Variants in NOL4 observed in about 807,000 individuals in gnomAD.
NOL4 encodes cancer/testis antigen 125.
In NOL4, 17 loss-of-function variants were observed where a neutral mutation model predicts 75.9. That is an observed-to-expected ratio of 0.22 (90% confidence interval 0.15 to 0.34). NOL4 has a LOEUF of 0.34. Among genes scored for constraint, NOL4 ranks in the 10% least tolerant of loss-of-function variants. The pLI is 1.00. For missense variants in NOL4, 614 were observed against 793.5 expected (o/e 0.77, Z 2.72); for synonymous variants, 292 against 289.9 (o/e 1.01, Z -0.07).
intron 9 of NOL4, among the ~76,000 whole-genome samples, chr18:33,884,811 T>C (rs1188001049): frequency 6.6e-6 from 1 of 152,130 alleles, no homozygotes; most frequent in East Asian, 1.9e-4. Context: ...ATTAGTTTGC[T>C]CTATTGAAAC....
chr18:34,211,761 T>C (rs1224186834), intron 1 of NOL4, among the ~76,000 whole-genome samples: 2 of 152,144 alleles, frequency 1.3e-5, no homozygotes, highest in South Asian at 2.1e-4. Context: ...TAAGAGGCTA[T>C]TGAATAAACC....
intron 6 of NOL4, among the ~76,000 whole-genome samples, chr18:34,007,486 C>A (rs2074102366): frequency 6.6e-6 from 1 of 151,954 alleles, no homozygotes; most frequent in Admixed American, 6.6e-5. Flanking sequence ...TAAATACCAG[C>A]TATCAAGACA....
chr18:34,053,676 T>C (rs914772353), intron 5 of NOL4, among the ~76,000 whole-genome samples: 16 of 151,948 alleles, frequency 1.1e-4, no homozygotes, highest in African/African-American at 3.9e-4. Flanking sequence ...TAGGAACATA[T>C]AGGAAACAGA....
At chr18:34,115,767 C>T (rs2079825858) in intron 2 of NOL4, among the ~76,000 whole-genome samples, 1 of 152,076 alleles carries the variant, frequency 6.6e-6, no homozygotes, top group Non-Finnish European at 1.5e-5. Context: ...CTTTACTTTG[C>T]TTATTAAATT....
At chr18:34,113,220 T>C (rs948033128) in intron 2 of NOL4, among the ~76,000 whole-genome samples, 4 of 152,102 alleles carry the variant, frequency 2.6e-5, no homozygotes, top group Non-Finnish European at 4.4e-5. Flanking sequence ...CCTCCAGCAA[T>C]CCTCCCATCT....
chr18:34,122,792 T>C (rs992496448), intron 2 of NOL4, among the ~76,000 whole-genome samples: 1 of 152,150 alleles, frequency 6.6e-6, no homozygotes, highest in Non-Finnish European at 1.5e-5. Flanking sequence ...GGTGCATACA[T>C]GCAGGCACTT....
chr18:34,196,738 T>G (rs2035355971), intron 1 of NOL4, among the ~76,000 whole-genome samples: 1 of 152,070 alleles, frequency 6.6e-6, no homozygotes, highest in Non-Finnish European at 1.5e-5. Flanking sequence ...TCCATTAACT[T>G]TTGTCTTTCT....
At chr18:34,141,818 C>A (rs895225514) in intron 1 of NOL4, among the ~76,000 whole-genome samples, 10 of 151,876 alleles carry the variant, frequency 6.6e-5, no homozygotes, top group African/African-American at 2.2e-4. Flanking sequence ...GCAACAAAAG[C>A]CAGAATTGAC....
At chr18:34,025,695 A>G (rs906287612) in intron 5 of NOL4, among the ~76,000 whole-genome samples, 7 of 152,148 alleles carry the variant, frequency 4.6e-5, no homozygotes, top group African/African-American at 1.7e-4. Flanking sequence ...AGGCAGTTGT[A>G]ATTTAAACCT....
At chr18:33,996,040 T>C (rs1374646563) in intron 6 of NOL4, among the ~76,000 whole-genome samples, 5 of 151,836 alleles carry the variant, frequency 3.3e-5, no homozygotes, top group Non-Finnish European at 7.4e-5. Flanking sequence ...TGAAATAGTA[T>C]CTACTTCAGC....
chr18:34,106,641 T>A, intron 2 of NOL4, among the ~76,000 whole-genome samples: 1 of 151,666 alleles, frequency 6.6e-6, no homozygotes, highest in East Asian at 1.9e-4. Context: ...TGTGAAAAAT[T>A]TTATATTATT....
At chr18:33,887,211 A>T (rs2064794790) in intron 9 of NOL4, among the ~76,000 whole-genome samples, 2 of 148,972 alleles carry the variant, frequency 1.3e-5, no homozygotes, top group African/African-American at 2.5e-5. Flanking sequence ...GAAATAAAAA[A>T]GATTTAAAAA....
chr18:34,029,909 A>G (rs11081837), intron 5 of NOL4, among the ~76,000 whole-genome samples: 1 of 151,926 alleles, frequency 6.6e-6, no homozygotes, highest in Non-Finnish European at 1.5e-5. Context: ...AATAATAAAT[A>G]TAGTGACAAA....
chr18:33,860,890 A>C (rs989505751), intron 10 of NOL4, among the ~76,000 whole-genome samples: 1 of 152,100 alleles, frequency 6.6e-6, no homozygotes, highest in Non-Finnish European at 1.5e-5. Context: ...TATTGAGATA[A>C]TCATGTGGTT....
At chr18:34,164,854 A>G (rs1206155933) in intron 1 of NOL4, among the ~76,000 whole-genome samples, 37 of 152,024 alleles carry the variant, frequency 2.4e-4, no homozygotes, top group African/African-American at 7.5e-4. Flanking sequence ...ATGTCCAACA[A>G]TGATAGAGTG....
intron 5 of NOL4, among the ~76,000 whole-genome samples, chr18:34,032,139 G>C (rs1422805761): frequency 6.6e-6 from 1 of 152,218 alleles, no homozygotes; most frequent in Non-Finnish European, 1.5e-5. Context: ...GTGCAAGCAA[G>C]AAGCCAGCTA....
intron 6 of NOL4, among the ~76,000 whole-genome samples, chr18:33,971,658 T>A (rs2145879589): frequency 6.6e-6 from 1 of 152,272 alleles, no homozygotes; most frequent in East Asian, 1.9e-4. Flanking sequence ...TAGTGCTCAG[T>A]CTTAAAGTAC....
intron 9 of NOL4, among the ~76,000 whole-genome samples, chr18:33,902,731 T>C (rs1038160542): frequency 2.0e-5 from 3 of 152,088 alleles, no homozygotes; most frequent in African/African-American, 7.2e-5. Context: ...GAGTTTCCCA[T>C]AAGGAGAAGC....
chr18:34,101,430 A>T (rs895394851), intron 4 of NOL4, among the ~76,000 whole-genome samples: 4 of 152,152 alleles, frequency 2.6e-5, no homozygotes, highest in Admixed American at 1.3e-4. Flanking sequence ...CCATGCCCCA[A>T]AAGAGACAAA....
Sources: allele counts gnomAD v4.1 joint callset (sites outside exome capture counted in the v4.1 genomes callset), GRCh38; gene constraint gnomAD v4.1.1; transcripts MANE v1.5; gene names NCBI Gene and HGNC (gene_info 2026-07-23, HGNC 2026-07-21).